COL14A1: variants seen among roughly 807,000 people sequenced by gnomAD.
COL14A1 encodes the protein collagen type XIV alpha 1 chain.
A neutral mutation model predicts 230.3 loss-of-function variants in COL14A1; 136 were observed. The observed-to-expected ratio is 0.59, with a 90% CI of 0.51 to 0.68. The LOEUF (loss-of-function observed/expected upper bound fraction) is 0.68. Ranked by LOEUF, COL14A1 falls within the 30% of genes least tolerant of loss-of-function variation. The pLI, the probability that COL14A1 is intolerant of heterozygous loss-of-function variation, is 0.00. For missense variants in COL14A1, 1,976 were observed against 2,215.8 expected (o/e 0.89, Z 2.17); for synonymous variants, 792 against 784.1 (o/e 1.01, Z -0.17).
intron 42 of COL14A1, among the ~76,000 whole-genome samples, chr8:120,337,401 T>TAAAAAAAAAAA (rs60418574): frequency 1.5e-5 from 2 of 129,460 alleles, no homozygotes; most frequent in Admixed American, 8.1e-5. Flanking sequence ...GTCTCAAAAT[T>TAAAAAAAAAAA]AAAAAAAAAA....
intron 47 of COL14A1, 42 bp downstream of exon 47, chr8:120,369,527 G>A (rs1823517649): frequency 6.7e-7 from 1 of 1,487,152 alleles, no homozygotes; most frequent in Non-Finnish European, 9.0e-7. Context: ...TTTGATCAAT[G>A]TTTTAGTATG....
At chr8:120,322,419 AT>A (rs1282235352) in intron 40 of COL14A1, among the ~76,000 whole-genome samples, 2 of 152,206 alleles carry the variant, frequency 1.3e-5, no homozygotes, top group African/African-American at 4.8e-5. Context: ...TATGCAAGAT[AT>A]GCAGGCTTGT....
Position 120,332,123 on chromosome 8 carries a change from T to G in COL14A1, c.4660-18T>G, listed in dbSNP as rs1474979424. The G allele has an allele frequency of 6.2e-6, 10 of 1,613,604 alleles. No homozygotes were observed. In the South Asian group the frequency reaches 8.8e-5, roughly 14 times the overall value. ...ATAAAGCAACCACTTGCTGACATGC[T>G]GTGTTTCTTTTCGCCAGGGCCTTCC... is the stretch of plus-strand genomic sequence containing the variant. On this transcript the variant is annotated intron_variant, in intron 40 of 47. Transcript: ENST00000297848.
At chr8:120,208,061 A>C (rs569310024) in intron 10 of COL14A1, among the ~76,000 whole-genome samples, 171 bp from the exon 11 acceptor site, 3 of 152,320 alleles carry the variant, frequency 2.0e-5, no homozygotes, top group Non-Finnish European at 2.9e-5. Context: ...AAGGTGCATC[A>C]CTTCACTTAG....
At chr8:120,314,798 G>T (rs1821158214) in intron 38 of COL14A1, among the ~76,000 whole-genome samples, 2 of 152,130 alleles carry the variant, frequency 1.3e-5, no homozygotes, top group South Asian at 4.1e-4. Context: ...ATTGGTTGAG[G>T]TCTTACTACA....
At chr8:120,315,678 C>A in intron 39 of COL14A1, 92 bp downstream of exon 39, 2 of 1,096,496 alleles carry the variant, frequency 1.8e-6, no homozygotes, top group Non-Finnish European at 2.7e-6. Flanking sequence ...CAGTTGTGAT[C>A]TTGGTAAGTG....
chr8:120,313,088 G>A (rs1397224010), intron 37 of COL14A1, among the ~76,000 whole-genome samples: 1 of 152,144 alleles, frequency 6.6e-6, no homozygotes, highest in African/African-American at 2.4e-5. Context: ...GGCTGGGAGT[G>A]GTGGCTCACG....
intron 46 of COL14A1, 137 bp downstream of exon 46, chr8:120,367,385 G>C: frequency 1.4e-6 from 1 of 716,698 alleles, no homozygotes; most frequent in Non-Finnish European, 2.3e-6. Context: ...TTATTGGGAG[G>C]CTTCTTTGTT....
chr8:120,180,519 AC>A (rs1816426636), intron 5 of COL14A1, among the ~76,000 whole-genome samples: 1 of 152,102 alleles, frequency 6.6e-6, no homozygotes, highest in Admixed American at 6.6e-5. Flanking sequence ...GTATGGCTGG[AC>A]CTAGGGTCTC....
At chr8:120,158,980 G>T (rs1212988628) in intron 3 of COL14A1, among the ~76,000 whole-genome samples, 1 of 152,162 alleles carries the variant, frequency 6.6e-6, no homozygotes, top group Non-Finnish European at 1.5e-5. Flanking sequence ...CAACTGGATT[G>T]CTTGAATTCA....
At chr8:120,184,224 G>T (rs536035524) in intron 5 of COL14A1, among the ~76,000 whole-genome samples, 2 of 135,610 alleles carry the variant, frequency 1.5e-5, no homozygotes, top group African/African-American at 2.8e-5. Context: ...GGGGGGAAGA[G>T]ATTTATTTAT....
chr8:120,241,365 G>T (rs1045940525), intron 19 of COL14A1, among the ~76,000 whole-genome samples: 1 of 152,110 alleles, frequency 6.6e-6, no homozygotes, highest in African/African-American at 2.4e-5. Context: ...TCATAAGAGG[G>T]GAACACAGCG....
In COL14A1 at chr8:120,131,258, C is replaced by T. The variant is rs183066117; in HGVS notation, c.-38+5918C>T. On this transcript the variant is annotated intron_variant, in intron 1 of 47. Transcript: ENST00000297848. Reference sequence around the variant, plus strand: ...CCATTAGTGGGATTACTGAGTTGAACGGTAGTTTTTTAAGTTCTTTGTGAA... The same window carrying T: ...CCATTAGTGGGATTACTGAGTTGAATGGTAGTTTTTTAAGTTCTTTGTGAA... Among the ~76,000 whole-genome samples the T allele has an allele frequency of 7.2e-3, 1,099 of 152,162 alleles. 13 individuals carry two copies. Among genetic ancestry groups the T allele is most frequent in the Non-Finnish European group, 0.013 (878 of 68,008 alleles).
chr8:120,291,420 A>G (rs1820369723), intron 34 of COL14A1, among the ~76,000 whole-genome samples: 1 of 151,714 alleles, frequency 6.6e-6, no homozygotes, highest in African/African-American at 2.4e-5. Flanking sequence ...AATTAGCCGG[A>G]TGTGGTGGCA....
intron 45 of COL14A1, among the ~76,000 whole-genome samples, chr8:120,349,085 C>A (rs1239093747): frequency 6.6e-6 from 1 of 152,118 alleles, no homozygotes; most frequent in African/African-American, 2.4e-5. Flanking sequence ...GACCCCTGAC[C>A]CCGAGCAGGC....
At chr8:120,310,604 G>A (rs888510312) in intron 37 of COL14A1, among the ~76,000 whole-genome samples, 4 of 152,182 alleles carry the variant, frequency 2.6e-5, no homozygotes, top group African/African-American at 7.2e-5. Flanking sequence ...CAAGGAACAC[G>A]TTTTTCTACT....
chr8:120,364,665 T>G (rs1823343557), intron 45 of COL14A1, among the ~76,000 whole-genome samples: 1 of 152,090 alleles, frequency 6.6e-6, no homozygotes, highest in Non-Finnish European at 1.5e-5. Flanking sequence ...GGCGGATCAT[T>G]TGAGGTCAGG....
At chr8:120,247,453 A>G (rs1818800568) in intron 20 of COL14A1, among the ~76,000 whole-genome samples, 160 bp from the exon 21 acceptor site, 1 of 151,972 alleles carries the variant, frequency 6.6e-6, no homozygotes, top group Non-Finnish European at 1.5e-5. Context: ...GAAAACAACC[A>G]CAGACTCTCA....
At chr8:120,308,108 A>G (rs1392578851) in intron 36 of COL14A1, among the ~76,000 whole-genome samples, 3 of 152,126 alleles carry the variant, frequency 2.0e-5, no homozygotes, top group Non-Finnish European at 4.4e-5. Context: ...CAACCTCCCA[A>G]ATAGCTGGGA....
Sources: gnomAD v4.1 joint callset for allele counts (sites outside exome capture counted in the v4.1 genomes callset) on GRCh38, gnomAD v4.1.1 for gene constraint, MANE v1.5 for transcripts, NCBI Gene and HGNC (gene_info 2026-07-23, HGNC 2026-07-21) for gene names.